The following GRIA3 variants were observed in gnomAD, a reference collection of about 807,000 sequenced individuals.
The protein encoded by GRIA3 is glutamate receptor 3.
In GRIA3, 3 loss-of-function variants were observed where a neutral mutation model predicts 63.0. The ratio of observed to expected loss-of-function variants is 0.05; its 90% CI spans 0.02 to 0.12. The LOEUF (loss-of-function observed/expected upper bound fraction) is 0.12, where lower values mean the gene tolerates loss of function less well. GRIA3 is among the 10% of genes least tolerant of loss of function. The probability of loss-of-function intolerance (pLI) is 1.00; values close to 1 mark genes in which losing one functional copy is unlikely to be tolerated. For missense variants in GRIA3, 347 were observed against 700.9 expected (o/e 0.50, Z 5.70); for synonymous variants, 274 against 257.9 (o/e 1.06, Z -0.60).
chrX:123,220,604 A>G (rs150816919), intron 2 of GRIA3, among the ~76,000 whole-genome samples: 1,829 of 111,598 alleles, frequency 0.016, 37 homozygotes, highest in African/African-American at 0.056. Context: ...GCACTAATAT[A>G]AATGGATTCC....
At chrX:123,473,762 C>T (rs942608186) in intron 13 of GRIA3, among the ~76,000 whole-genome samples, 1 of 111,649 alleles carries the variant, frequency 9.0e-6, no homozygotes. Flanking sequence ...CAGCTTAGGC[C>T]GTGATAAGTT....
At chrX:123,294,091 A>C (rs2044671694) in intron 3 of GRIA3, among the ~76,000 whole-genome samples, 1 of 110,653 alleles carries the variant, frequency 9.0e-6, no homozygotes, top group Admixed American at 9.7e-5. Flanking sequence ...TATCATGGAC[A>C]AAGTACTGGG....
chrX:123,282,940 C>T (rs1477931725), intron 3 of GRIA3, among the ~76,000 whole-genome samples: 1 of 111,764 alleles, frequency 8.9e-6, no homozygotes, highest in African/African-American at 3.3e-5. Context: ...AAAATGAAAA[C>T]ATGGGTGGCT....
At chrX:123,329,980 G>A (rs187618611) in intron 4 of GRIA3, among the ~76,000 whole-genome samples, 4 of 111,902 alleles carry the variant, frequency 3.6e-5, no homozygotes, top group East Asian at 5.6e-4. Context: ...GCATAACAGC[G>A]TTTCAGAGCA....
At chrX:123,388,061 AC>A (rs745847068) in intron 5 of GRIA3, among the ~76,000 whole-genome samples, 1 of 111,409 alleles carries the variant, frequency 9.0e-6, no homozygotes, top group Non-Finnish European at 1.9e-5. Flanking sequence ...TCAGTCCTAG[AC>A]TTTTATTTGT....
At position 123,186,323 on chromosome X, in the gene GRIA3, AG is replaced by A. The variant is rs1460257271; in HGVS notation, c.268+334del. Among the ~76,000 whole-genome samples, 12 of 111,386 alleles carry A rather than the reference AG, an allele frequency of 1.1e-4. No individual in the cohort carries two copies. In the East Asian group the frequency reaches 2.2e-3, roughly 21 times the overall value. ...TAACTGGGGAAAAAAAAAGAAAGAA[AG>A]AAAAAAATAGCACGGTTGTTCAGAG... On this transcript the variant is annotated intron_variant, in intron 2 of 15. Coordinates refer to ENST00000620443, the MANE Select transcript of GRIA3 (RefSeq NM_007325.5).
chrX:123,340,625 G>A (rs1304521826), intron 4 of GRIA3, among the ~76,000 whole-genome samples: 1 of 112,305 alleles, frequency 8.9e-6, no homozygotes, highest in Non-Finnish European at 1.9e-5. Flanking sequence ...AAACAGCTTG[G>A]AGCTTAGTAA....
chrX:123,257,915 G>C (rs1039358937), intron 3 of GRIA3, among the ~76,000 whole-genome samples: 3 of 112,067 alleles, frequency 2.7e-5, no homozygotes, highest in African/African-American at 9.7e-5. Flanking sequence ...TTCTATTTCT[G>C]TCTGCAGACG....
intron 10 of GRIA3, among the ~76,000 whole-genome samples, chrX:123,412,371 C>T (rs187751751): frequency 1.3e-4 from 15 of 112,129 alleles, no homozygotes; most frequent in African/African-American, 4.9e-4. Context: ...ATTTATTTTA[C>T]GTTCAGGGGT....
intron 3 of GRIA3, among the ~76,000 whole-genome samples, chrX:123,269,053 T>C (rs1302311015): frequency 8.9e-6 from 1 of 112,106 alleles, no homozygotes; most frequent in Non-Finnish European, 1.9e-5. Flanking sequence ...CCCAACAGAA[T>C]TGAAAGAGTC....
chrX:123,284,750 G>A (rs1330103450), intron 3 of GRIA3, among the ~76,000 whole-genome samples: 1 of 111,809 alleles, frequency 8.9e-6, no homozygotes, highest in Non-Finnish European at 1.9e-5. Flanking sequence ...ATGGGACTGT[G>A]TGAAAAGACT....
chrX:123,456,976 C>A (rs1249586074), intron 12 of GRIA3, among the ~76,000 whole-genome samples: 1 of 110,944 alleles, frequency 9.0e-6, no homozygotes, highest in East Asian at 2.8e-4. Context: ...GAAGAAAAAG[C>A]AGATTGTAGT....
intron 5 of GRIA3, among the ~76,000 whole-genome samples, chrX:123,356,184 A>C (rs756771547): frequency 1.8e-5 from 2 of 111,905 alleles, no homozygotes; most frequent in South Asian, 7.5e-4. Context: ...ATGTCACAAC[A>C]AGGCACCTGA....
At chrX:123,262,477 T>G (rs911109640) in intron 3 of GRIA3, among the ~76,000 whole-genome samples, 26 of 111,375 alleles carry the variant, frequency 2.3e-4, no homozygotes, top group Non-Finnish European at 1.9e-5. Flanking sequence ...ATGTCAACAG[T>G]GCCAAGGAAG....
At chrX:123,485,952 T>C (rs913240545) in intron 15 of GRIA3, among the ~76,000 whole-genome samples, 2 of 110,295 alleles carry the variant, frequency 1.8e-5, no homozygotes, top group Non-Finnish European at 3.8e-5. Context: ...CAGATGCTGC[T>C]GGTCCCAGGA....
At chrX:123,307,348 T>C (rs1235480408) in intron 3 of GRIA3, among the ~76,000 whole-genome samples, 1 of 112,071 alleles carries the variant, frequency 8.9e-6, no homozygotes, top group East Asian at 2.8e-4. Context: ...AAGATGATAA[T>C]AGGAGATAAC....
intron 3 of GRIA3, among the ~76,000 whole-genome samples, chrX:123,284,596 T>C (rs2044606488): frequency 1.8e-5 from 2 of 110,160 alleles, no homozygotes; most frequent in Admixed American, 9.7e-5. Context: ...GAGAACTTCA[T>C]GGAGCATACA....
chrX:123,190,563 G>A (rs935459664), intron 2 of GRIA3, among the ~76,000 whole-genome samples: 1 of 111,435 alleles, frequency 9.0e-6, no homozygotes, highest in East Asian at 2.8e-4. Context: ...TCCCCTAGAA[G>A]GCAGCTTCCT....
intron 3 of GRIA3, among the ~76,000 whole-genome samples, chrX:123,263,984 C>T (rs756981940): frequency 1.1e-4 from 12 of 111,901 alleles, no homozygotes; most frequent in Non-Finnish European, 2.1e-4. Flanking sequence ...TAGCTTTCCC[C>T]TCCCCCTAAA....
Sources: gnomAD v4.1 joint callset for allele counts (sites outside exome capture counted in the v4.1 genomes callset) on GRCh38, gnomAD v4.1.1 for gene constraint, MANE v1.5 for transcripts, NCBI Gene and HGNC (gene_info 2026-07-23, HGNC 2026-07-21) for gene names.